GNG4: variants seen among roughly 807,000 people sequenced by gnomAD.
GNG4 encodes guanine nucleotide-binding protein G(I)/G(S)/G(O) subunit gamma-4.
A neutral mutation model predicts 5.8 loss-of-function variants in GNG4; 4 were observed. The ratio of observed to expected loss-of-function variants is 0.69; its 90% CI spans 0.34 to 1.57. GNG4 has a LOEUF of 1.57. Ranked by LOEUF, GNG4 falls within the 40% of genes most tolerant of loss-of-function variation. The pLI is 0.06. For missense variants in GNG4, 96 were observed against 95.1 expected, an observed-to-expected ratio of 1.01 and a Z score of -0.04; for synonymous variants, 29 against 32.9, an observed-to-expected ratio of 0.88 and a Z score of 0.41.
chr1:235,601,505 A>G (rs1374115926), intron 1 of GNG4, among the ~76,000 whole-genome samples: 1 of 152,188 alleles, frequency 6.6e-6, no homozygotes, highest in African/African-American at 2.4e-5. Flanking sequence ...GTAAGATGGA[A>G]TGAGACTTGC....
chr1:235,580,017 G>T (rs764639530), intron 3 of GNG4, among the ~76,000 whole-genome samples: 2 of 152,140 alleles, frequency 1.3e-5, no homozygotes, highest in Non-Finnish European at 2.9e-5. Flanking sequence ...TAACCCAGGT[G>T]TCCATCAATG....
intron 1 of GNG4, among the ~76,000 whole-genome samples, chr1:235,629,650 G>A (rs1218366480): frequency 6.7e-6 from 1 of 150,024 alleles, no homozygotes; most frequent in Non-Finnish European, 1.5e-5. Context: ...AGGCTGAAGT[G>A]CAGTGGCATG....
intron 3 of GNG4, among the ~76,000 whole-genome samples, chr1:235,578,537 C>G (rs962708620): frequency 6.6e-6 from 1 of 151,926 alleles, no homozygotes; most frequent in Non-Finnish European, 1.5e-5. Flanking sequence ...TGTCTATCAG[C>G]GAATGAATGG....
intron 3 of GNG4, among the ~76,000 whole-genome samples, chr1:235,567,571 T>C (rs1687231169): frequency 6.6e-6 from 1 of 152,214 alleles, no homozygotes. Context: ...TTTTGTCTTT[T>C]TGTGCCTGGC....
At chr1:235,620,833 C>T (rs548377838) in intron 1 of GNG4, among the ~76,000 whole-genome samples, 1 of 152,332 alleles carries the variant, frequency 6.6e-6, no homozygotes, top group South Asian at 2.1e-4. Context: ...CTGCGCCCGG[C>T]CAAATGTGCT....
At chr1:235,599,559 G>A (rs1688207644) in intron 1 of GNG4, among the ~76,000 whole-genome samples, 1 of 152,146 alleles carries the variant, frequency 6.6e-6, no homozygotes, top group East Asian at 1.9e-4. Context: ...CAAGTGATCC[G>A]CCCACCTTGG....
At chr1:235,616,052 G>A (rs780822648) in intron 1 of GNG4, 7 of 358,062 alleles carry the variant, frequency 2.0e-5, no homozygotes, top group Middle Eastern at 9.6e-4. Flanking sequence ...CCTGGTGGCC[G>A]TCTTCCATGA....
intron 1 of GNG4, among the ~76,000 whole-genome samples, chr1:235,643,249 C>T (rs1373876527): frequency 6.6e-6 from 1 of 152,210 alleles, no homozygotes; most frequent in East Asian, 1.9e-4. Context: ...TCTCTCCACT[C>T]CTCTTTCATG....
rs1162758868 is a variant in GNG4, at chr1:235,578,591, C to T, written c.99+5149G>A. ...ATTTACACAATAGAATACTACTGAG[C>T]CCTAAAAAAGAAGGAAATCTTATTA... On this transcript the variant is annotated intron_variant, in intron 3 of 3. Transcript: ENST00000391854. Among the ~76,000 whole-genome samples, 4 of 151,976 alleles carry T rather than the reference C, an allele frequency of 2.6e-5. No homozygotes were observed. In the East Asian group the frequency reaches 7.7e-4, roughly 29 times the overall value.
chr1:235,563,681 A>T (rs1232084620), intron 3 of GNG4, among the ~76,000 whole-genome samples: 1 of 152,174 alleles, frequency 6.6e-6, no homozygotes, highest in Non-Finnish European at 1.5e-5. Context: ...CCTTCCCAGA[A>T]TCTTGCAACT....
intron 1 of GNG4, among the ~76,000 whole-genome samples, chr1:235,640,331 C>G (rs1452316620): frequency 6.6e-6 from 1 of 152,154 alleles, no homozygotes; most frequent in East Asian, 1.9e-4. Flanking sequence ...CATCTCAAAT[C>G]TGGTGGCTGC....
intron 1 of GNG4, among the ~76,000 whole-genome samples, chr1:235,608,777 G>A (rs986119460): frequency 6.6e-6 from 1 of 151,372 alleles, no homozygotes; most frequent in Non-Finnish European, 1.5e-5. Context: ...TCCGCCTCCC[G>A]AGTTGAAGTA....
At chr1:235,596,154 A>G (rs918820774) in intron 1 of GNG4, among the ~76,000 whole-genome samples, 2 of 150,812 alleles carry the variant, frequency 1.3e-5, no homozygotes, top group Non-Finnish European at 2.9e-5. Context: ...AGCCTGGGTG[A>G]CAGAGCGAGA....
In GNG4 at chr1:235,614,370, T is replaced by C. The variant is rs563245920; in HGVS notation, c.-122-18859A>G. Among the ~76,000 whole-genome samples, 4 of 152,294 alleles carry C rather than the reference T, an allele frequency of 2.6e-5. 1 individual carries two copies. The South Asian group carries it at 8.3e-4, about 32-fold the overall frequency. On this transcript the variant is annotated intron_variant, in intron 1 of 3. Transcript: ENST00000391854. ...AGCTTTTGGTTTCATTGACTCTTTT[T>C]TCTGTCCTCAATTTTACTGATTTCT...
At chr1:235,593,476 A>G (rs535637784) in intron 2 of GNG4, among the ~76,000 whole-genome samples, 1 of 152,374 alleles carries the variant, frequency 6.6e-6, no homozygotes, top group East Asian at 1.9e-4. Flanking sequence ...ATCTGTAGGC[A>G]GAATACTACA....
chr1:235,605,962 G>A (rs1365170738), intron 1 of GNG4, among the ~76,000 whole-genome samples: 6 of 147,064 alleles, frequency 4.1e-5, no homozygotes, highest in Admixed American at 1.3e-4. Context: ...GTGTGGGGGG[G>A]TGGGTCTCAC....
intron 3 of GNG4, among the ~76,000 whole-genome samples, chr1:235,557,137 G>C (rs1365225470): frequency 6.6e-6 from 1 of 151,174 alleles, no homozygotes; most frequent in Non-Finnish European, 1.5e-5. Context: ...CCGGCGGTTG[G>C]GGACCCGTTT....
chr1:235,626,958 C>CAAAAAAAAAAAAAAAAAAAA (rs776506587), intron 1 of GNG4, among the ~76,000 whole-genome samples: 2 of 77,396 alleles, frequency 2.6e-5, no homozygotes, highest in African/African-American at 5.0e-5. Flanking sequence ...GACTCTATCT[C>CAAAAAAAAAAAAAAAAAAAA]AAAAAAAAAA....
At chr1:235,631,310 T>TAA (rs1688927383) in intron 1 of GNG4, among the ~76,000 whole-genome samples, 1 of 152,206 alleles carries the variant, frequency 6.6e-6, no homozygotes, top group South Asian at 2.1e-4. Context: ...CCTCTTGCAG[T>TAA]TTGGTGCTGT....
Sources: allele counts gnomAD v4.1 joint callset (sites outside exome capture counted in the v4.1 genomes callset), GRCh38; gene constraint gnomAD v4.1.1; transcripts MANE v1.5; gene names NCBI Gene and HGNC (gene_info 2026-07-23, HGNC 2026-07-21).